Variants in TRABD2B observed in about 807,000 individuals in gnomAD.
TRABD2B encodes metalloprotease TIKI2.
Under a neutral mutation model 40.1 loss-of-function variants are expected in TRABD2B, and 14 were observed. The observed-to-expected ratio is 0.35, with a 90% CI of 0.23 to 0.55. The LOEUF (loss-of-function observed/expected upper bound fraction) is 0.55, where lower values mean the gene tolerates loss of function less well. Ranked by LOEUF, TRABD2B falls within the 20% of genes least tolerant of loss-of-function variation. The pLI is 0.90. For synonymous variants in TRABD2B, 263 were observed against 277.0 expected (o/e 0.95, Z 0.50); for missense variants, 541 against 648.6 (o/e 0.83, Z 1.80).
At chr1:47,935,793 A>G (rs1645099113) in intron 2 of TRABD2B, among the ~76,000 whole-genome samples, 1 of 152,252 alleles carries the variant, frequency 6.6e-6, no homozygotes, top group South Asian at 2.1e-4. Context: ...TGTATCTCTT[A>G]TATGATATTT....
intron 2 of TRABD2B, among the ~76,000 whole-genome samples, chr1:47,898,694 T>G (rs1644558142): frequency 6.6e-6 from 1 of 152,170 alleles, no homozygotes; most frequent in African/African-American, 2.4e-5. Context: ...CTCCCACGTT[T>G]TGTGAATATT....
intron 2 of TRABD2B, among the ~76,000 whole-genome samples, chr1:47,808,444 G>T (rs989137774): frequency 2.0e-5 from 3 of 152,180 alleles, no homozygotes; most frequent in African/African-American, 7.2e-5. Flanking sequence ...ATTGGATGGG[G>T]AGTGATGAAG....
At chr1:47,978,111 G>A (rs532135242) in intron 2 of TRABD2B, among the ~76,000 whole-genome samples, 43 of 152,098 alleles carry the variant, frequency 2.8e-4, no homozygotes, top group Middle Eastern at 3.2e-3. Context: ...TTAGGAAGTG[G>A]GGATTTGGGG....
intron 3 of TRABD2B, among the ~76,000 whole-genome samples, chr1:47,797,340 T>C (rs1644761982): frequency 6.6e-6 from 1 of 152,198 alleles, no homozygotes; most frequent in African/African-American, 2.4e-5. Context: ...GCTTCATCAC[T>C]TTTCCCAGTG....
chr1:47,891,195 G>T (rs1343175778), intron 2 of TRABD2B, among the ~76,000 whole-genome samples: 1 of 152,206 alleles, frequency 6.6e-6, no homozygotes, highest in Non-Finnish European at 1.5e-5. Context: ...GTGAAAATGT[G>T]CCAAGGATCA....
chr1:47,951,372 C>G (rs1645341647), intron 2 of TRABD2B, among the ~76,000 whole-genome samples: 1 of 152,228 alleles, frequency 6.6e-6, no homozygotes, highest in African/African-American at 2.4e-5. Flanking sequence ...GATTCTATCC[C>G]ATTTCACCCC....
chr1:47,991,151 C>T (rs1165080951), intron 2 of TRABD2B, among the ~76,000 whole-genome samples: 1 of 152,038 alleles, frequency 6.6e-6, no homozygotes, highest in Non-Finnish European at 1.5e-5. Context: ...ATCCTTCATA[C>T]AGAGTCAGGC....
At chr1:47,878,804 A>G (rs984826344) in intron 2 of TRABD2B, among the ~76,000 whole-genome samples, 4 of 152,186 alleles carry the variant, frequency 2.6e-5, no homozygotes, top group Non-Finnish European at 4.4e-5. Flanking sequence ...GGAAAAAGAA[A>G]TAAGGTTATG....
intron 2 of TRABD2B, among the ~76,000 whole-genome samples, chr1:47,900,648 A>G (rs1294576454): frequency 6.6e-6 from 1 of 152,126 alleles, no homozygotes; most frequent in Non-Finnish European, 1.5e-5. Context: ...AACCTGTTCA[A>G]AATTTCTATG....
intron 2 of TRABD2B, among the ~76,000 whole-genome samples, chr1:47,989,458 C>A (rs1645968009): frequency 6.6e-6 from 1 of 152,112 alleles, no homozygotes; most frequent in African/African-American, 2.4e-5. Flanking sequence ...ACTTGCTGGC[C>A]CCGCCAGGGT....
chr1:47,933,907 A>T (rs1294054654), intron 2 of TRABD2B, among the ~76,000 whole-genome samples: 2 of 152,236 alleles, frequency 1.3e-5, no homozygotes, highest in Non-Finnish European at 2.9e-5. Context: ...GTTTGTGGTT[A>T]TTGAGCCCTT....
At chr1:47,898,731 T>C (rs1644558490) in intron 2 of TRABD2B, among the ~76,000 whole-genome samples, 1 of 152,202 alleles carries the variant, frequency 6.6e-6, no homozygotes, top group African/African-American at 2.4e-5. Context: ...AATGTTAATG[T>C]ATTTGATTAA....
intron 2 of TRABD2B, among the ~76,000 whole-genome samples, chr1:47,988,643 C>G (rs1645955748): frequency 6.6e-6 from 1 of 152,160 alleles, no homozygotes; most frequent in South Asian, 2.1e-4. Flanking sequence ...ACAAGCCTGC[C>G]AGCCCCTCCC....
rs1395010097 is a variant in TRABD2B at position 47,762,156 on chromosome 1, G to C, written c.*3746C>G. 1 of 152,210 alleles carries C rather than the reference G, an allele frequency of 6.6e-6. No individual in the cohort carries two copies. The highest frequency in any genetic ancestry group is 6.5e-5 in the Admixed American group (1 of 15,274). 9.4% of individuals were successfully genotyped at this position (152,210 alleles called of 1,614,324 possible). On this transcript the variant is annotated 3_prime_UTR_variant, in exon 7 of 7. Coordinates refer to ENST00000606738, the MANE Select transcript of TRABD2B (RefSeq NM_001194986.2). ...AGGGGAGAGAAGGGAGTTTCCAGGG[G>C]TAGGGAGCAGCATGTGTGAAACATC...
At chr1:47,812,312 T>C (rs1644975948) in intron 2 of TRABD2B, among the ~76,000 whole-genome samples, 1 of 152,150 alleles carries the variant, frequency 6.6e-6, no homozygotes, top group South Asian at 2.1e-4. Context: ...TATAATGTGG[T>C]AAGTTAATAA....
Position 47,997,263 on chromosome 1 carries a change from G to C in TRABD2B, c.-474C>G. On this transcript the variant is annotated 5_prime_UTR_variant, in exon 1 of 7. Transcript: ENST00000606738. ...CAAGTGCGGCGGAAGGCGCGGCAGGGGTGGGGGGCGGCTCTGGGGCGACCG... is the reference window on the plus strand; with the variant it reads ...CAAGTGCGGCGGAAGGCGCGGCAGGCGTGGGGGGCGGCTCTGGGGCGACCG... 5 of 974,452 alleles carry C rather than the reference G, an allele frequency of 5.1e-6. No individual in the cohort carries two copies. Among genetic ancestry groups the C allele is most frequent in the Non-Finnish European group, 6.1e-6 (5 of 821,552 alleles). The allele number at this position is 974,452 out of a possible 1,614,324, so 60.4% of individuals were successfully genotyped here. A position where few individuals can be genotyped will look rare whatever the true frequency, so the allele number is the denominator to read the frequency against.
intron 2 of TRABD2B, among the ~76,000 whole-genome samples, chr1:47,948,901 C>A (rs1645298837): frequency 6.6e-6 from 1 of 152,068 alleles, no homozygotes; most frequent in South Asian, 2.1e-4. Flanking sequence ...TCTTTCTGTC[C>A]CTACATTTCC....
chr1:47,966,735 T>C (rs979075570), intron 2 of TRABD2B, among the ~76,000 whole-genome samples: 1 of 151,758 alleles, frequency 6.6e-6, no homozygotes, highest in Non-Finnish European at 1.5e-5. Context: ...TGAAACCCCA[T>C]CTCTACTGAA....
chr1:47,916,153 G>C (rs986576164), intron 2 of TRABD2B, among the ~76,000 whole-genome samples: 10 of 142,974 alleles, frequency 7.0e-5, no homozygotes, highest in South Asian at 5.1e-4. Flanking sequence ...CTAGCTGGGC[G>C]GGGGGCGGGG....
Sources: allele counts gnomAD v4.1 joint callset (sites outside exome capture counted in the v4.1 genomes callset), GRCh38; gene constraint gnomAD v4.1.1; transcripts MANE v1.5; gene names NCBI Gene and HGNC (gene_info 2026-07-23, HGNC 2026-07-21).